ATP2A2: variants seen among roughly 807,000 people sequenced by gnomAD.
ATP2A2 encodes the protein ATPase sarcoplasmic/endoplasmic reticulum Ca2+ transporting 2, also known as sarcoplasmic/endoplasmic reticulum calcium ATPase 2.
ATP2A2 carries 14 observed loss-of-function variants against 109.3 expected under a neutral mutation model. That is an observed-to-expected ratio of 0.13 (90% CI 0.08 to 0.20). The LOEUF is 0.20. ATP2A2 is among the 10% of genes least tolerant of loss of function. The pLI is 1.00. For missense variants in ATP2A2, 657 were observed against 1,321.6 expected (o/e 0.50, Z 7.80); for synonymous variants, 506 against 490.9 (o/e 1.03, Z -0.41).
intron 11 of ATP2A2, among the ~76,000 whole-genome samples, chr12:110,335,840 G>C (rs1878788536): frequency 6.6e-6 from 1 of 152,200 alleles, no homozygotes; most frequent in Non-Finnish European, 1.5e-5. Flanking sequence ...TCTGGTTCCT[G>C]CCCCCACAAA....
At chr12:110,334,375 G>T in intron 11 of ATP2A2, 1 of 564,882 alleles carries the variant, frequency 1.8e-6, no homozygotes, top group Non-Finnish European at 3.2e-6. Flanking sequence ...TGGGCCCACA[G>T]GGGCTGCCTT....
intron 19 of ATP2A2, 32 bp downstream of exon 19, chr12:110,346,150 A>G: frequency 6.2e-7 from 1 of 1,613,952 alleles, no homozygotes; most frequent in Non-Finnish European, 8.5e-7. Context: ...GGGACCAGCC[A>G]CCTCCTTCCA....
rs776561859 is a variant in ATP2A2 at position 110,296,582 on chromosome 12, T to G, written c.325-17T>G. On this transcript the variant is annotated splice_polypyrimidine_tract_variant and intron_variant, in intron 4 of 19. Transcript: ENST00000539276. The stretch of plus-strand genomic sequence containing the variant: ...GTCAGGCAGGTCTTTACTACTCTTC[T>G]GTTTTCTTTTATACAGGAAAGAAAT... 6 of 1,614,098 alleles carry G rather than the reference T, an allele frequency of 3.7e-6. No homozygotes were observed. The South Asian group carries it at 5.5e-5, about 15-fold the overall frequency.
In ATP2A2 at chr12:110,350,105, G is replaced by C; in HGVS notation, c.*3635G>C. ...CTGTGTCACTGAGCCAGTGCTTCTAGATGCTACCCTGTGTGGGCGGCACCT... is the reference window on the plus strand; with the variant it reads ...CTGTGTCACTGAGCCAGTGCTTCTACATGCTACCCTGTGTGGGCGGCACCT... On this transcript the variant is annotated 3_prime_UTR_variant, in exon 20 of 20. Transcript: ENST00000539276. The C allele has an allele frequency of 6.8e-7, 1 of 1,476,028 alleles. No homozygotes were observed. The highest frequency in any genetic ancestry group is 8.9e-7 in the Non-Finnish European group (1 of 1,117,858). The allele number at this position is 1,476,028 out of a possible 1,614,324, so 91.4% of individuals were successfully genotyped here. A position where few individuals can be genotyped will look rare whatever the true frequency, so the allele number is the denominator to read the frequency against.
At chr12:110,303,716 G>C (rs536762089) in intron 5 of ATP2A2, among the ~76,000 whole-genome samples, 1 of 151,854 alleles carries the variant, frequency 6.6e-6, no homozygotes, top group East Asian at 1.9e-4. Flanking sequence ...GCCCAGCCAC[G>C]CCTGGCTAAT....
In ATP2A2 at chr12:110,343,363, A is replaced by G. The variant is rs1879536303; in HGVS notation, c.2450A>G (p.Asn817Ser). 1.9e-6 allele frequency: 3 copies of G among 1,614,106 alleles called. No individual in the cohort carries two copies. The African/African-American group carries it at 4.0e-5, about 22-fold the overall frequency. ...AACCCTCCTGATCTGGACATCATGA[A>G]TAAACCTCCCCGGAACCCAAAGGAA... is the stretch of plus-strand genomic sequence containing the variant. ...GFNPPDLDIM[N>S]KPPRNPKEPL... is the part of the protein sequence containing the mutation. Residue 817 changes from asparagine (N) to serine (S), a missense_variant, in exon 16 of 20, where the codon AAT (asparagine) becomes AGT (serine). Physicochemically the swap from Asn to Ser is conservative, Grantham distance 46 (BLOSUM62 1). Coordinates refer to ENST00000539276, the MANE Select transcript of ATP2A2 (RefSeq NM_170665.4).
At chr12:110,336,120 A>G (rs542739159) in intron 11 of ATP2A2, among the ~76,000 whole-genome samples, 1 of 152,186 alleles carries the variant, frequency 6.6e-6, no homozygotes. Flanking sequence ...TCTGCTGAAC[A>G]TACCTCTTTT....
intron 5 of ATP2A2, among the ~76,000 whole-genome samples, chr12:110,314,834 T>G (rs998944646): frequency 6.6e-6 from 1 of 151,820 alleles, no homozygotes; most frequent in Non-Finnish European, 1.5e-5. Context: ...ATGTTGTACA[T>G]AAAGAGATGT....
chr12:110,347,441 C>T lies in ATP2A2; in HGVS notation c.*971C>T. On this transcript the variant is annotated 3_prime_UTR_variant, in exon 20 of 20. Coordinates refer to ENST00000539276, the MANE Select transcript of ATP2A2 (RefSeq NM_170665.4). ...TACTCTGCTTGAGGGGAAGAAGGCT[C>T]CTGCTCTGCTGTGTAGGTAGTCATA... The T allele has an allele frequency of 1.6e-6, 2 of 1,289,046 alleles. No homozygotes were observed. Among genetic ancestry groups the T allele is most frequent in the South Asian group, 1.2e-5 (1 of 81,024 alleles). 79.9% of individuals were successfully genotyped at this position (1,289,046 alleles called of 1,614,324 possible). A position where few individuals can be genotyped will look rare whatever the true frequency, so the allele number is the denominator to read the frequency against.
chr12:110,345,281 G>C lies in ATP2A2; in HGVS notation c.2640G>C (p.Pro880=). The part of the protein sequence containing the change: ...SHFLQCKEDN[P]DFEGVDCAIF... ...TCCTACAGTGTAAAGAGGACAACCC[G>C]GACTTTGAAGGCGTGGATTGTGCAA... Residue 880 remains proline (P), a synonymous_variant, in exon 18 of 20, where the codon CCG becomes CCC. Transcript: ENST00000539276. The C allele has an allele frequency of 1.2e-6, 2 of 1,614,124 alleles. No homozygotes were observed. The highest frequency in any genetic ancestry group is 1.7e-6 in the Non-Finnish European group (2 of 1,180,022).
In ATP2A2 at chr12:110,305,120, A is replaced by G. The variant is rs147684541; in HGVS notation, c.463+8383A>G. Among the ~76,000 whole-genome samples the G allele has an allele frequency of 8.1e-3, 1,232 of 152,132 alleles. 1 individual carries two copies. Among genetic ancestry groups the G allele is most frequent in the Non-Finnish European group, 9.5e-3 (645 of 67,986 alleles). ...AGCTAATTTTTGTATTTTTAGTAGA[A>G]ACGGGGTTTCACCGTTTTGGCCAGG... is the stretch of plus-strand genomic sequence containing the variant. On this transcript the variant is annotated intron_variant, in intron 5 of 19. Transcript: ENST00000539276.
intron 5 of ATP2A2, among the ~76,000 whole-genome samples, chr12:110,321,879 A>C (rs1470899532): frequency 1.3e-5 from 2 of 152,202 alleles, no homozygotes; most frequent in Non-Finnish European, 2.9e-5. Context: ...AAAGGGGCTG[A>C]GATTTGGGCC....
rs748006710 is a variant in ATP2A2 at position 110,339,341 on chromosome 12, A to G, written c.1480A>G (p.Met494Val). The G allele has an allele frequency of 1.9e-6, 3 of 1,614,198 alleles. No individual in the cohort carries two copies. The highest frequency in any genetic ancestry group is 2.2e-5 in the East Asian group (1 of 44,886). The change falls in exon 12 of 20, where the codon ATG becomes GTG. Residue 494 changes from methionine (M) to valine (V), a missense_variant. Physicochemically the swap from Met to Val is conservative, Grantham distance 21. Transcript: ENST00000539276. The surrounding 1 kb of genome is among the most constrained non-coding windows in gnomAD (Gnocchi z 4.4). ...AGAGTTTTCACGTGACAGAAAGTCA[A>G]TGTCGGTTTACTGTACACCAAATAA... Reference protein sequence around the residue: ...TLEFSRDRKSMSVYCTPNKPS... With the variant: ...TLEFSRDRKSVSVYCTPNKPS...
At chr12:110,344,834 G>T (rs549727802) in intron 16 of ATP2A2, 52 bp from the exon 17 acceptor site, 1 of 1,560,740 alleles carries the variant, frequency 6.4e-7, no homozygotes, top group South Asian at 1.1e-5. Context: ...GGCCTCGGTG[G>T]CAGCGAGCCC....
intron 4 of ATP2A2, among the ~76,000 whole-genome samples, chr12:110,293,264 C>CG (rs2137707233): frequency 6.6e-6 from 1 of 150,946 alleles, no homozygotes; most frequent in African/African-American, 2.4e-5. Context: ...TTAGTAGAGA[C>CG]GGGGTTTCAC....
chr12:110,350,488 T>G lies in ATP2A2; in HGVS notation c.*4018T>G. The G allele has an allele frequency of 1.1e-6, 1 of 891,052 alleles. No homozygotes were observed. Among genetic ancestry groups the G allele is most frequent in the Non-Finnish European group, 1.7e-6 (1 of 577,082 alleles). The allele number at this position is 891,052 out of a possible 1,614,324, so 55.2% of individuals were successfully genotyped here. On this transcript the variant is annotated 3_prime_UTR_variant, in exon 20 of 20. Coordinates refer to ENST00000539276, the MANE Select transcript of ATP2A2 (RefSeq NM_170665.4). ...TATTACCAATGGGGTTGTTAGCTTTTAAATCAAAATACTGATTACAGATGT... is the reference window on the plus strand; with the variant it reads ...TATTACCAATGGGGTTGTTAGCTTTGAAATCAAAATACTGATTACAGATGT...
intron 5 of ATP2A2, among the ~76,000 whole-genome samples, chr12:110,312,733 C>A (rs973244228): frequency 6.6e-6 from 1 of 151,510 alleles, no homozygotes; most frequent in Non-Finnish European, 1.5e-5. Flanking sequence ...GCCTGTAATC[C>A]TAGCTACTTG....
chr12:110,339,281 GT>G lies in ATP2A2; in HGVS notation c.1421del (p.Val474AlafsTer5). On this transcript the variant is annotated frameshift_variant and splice_region_variant, in exon 12 of 20. Coordinates refer to ENST00000539276, the MANE Select transcript of ATP2A2 (RefSeq NM_170665.4). LOFTEE classifies it high-confidence loss of function. This position sits in a 1 kb window ranked among gnomAD's most constrained non-coding sequence, Gnocchi z 4.4. ...KIERANACNS[V>X]IKQLMKKEFT... is the part of the protein sequence containing the mutation. ...GTATCCATATTTGTTCCCTTTGTAG[GT>G]CATTAAACAGCTGATGAAAAAGGAA... 1 of 1,613,888 alleles carries G rather than the reference GT, an allele frequency of 6.2e-7. No individual in the cohort carries two copies. Among genetic ancestry groups the G allele is most frequent in the Non-Finnish European group, 8.5e-7 (1 of 1,180,010 alleles).
chr12:110,342,502 G>C lies in ATP2A2; in HGVS notation c.2318+54G>C. ...GTACGCCTTTATCTAAATGGGTCAT[G>C]GAGCCCAGTTCTCGCAGTTTGCTCT... is the stretch of plus-strand genomic sequence containing the variant. On this transcript the variant is annotated intron_variant, in intron 15 of 19. Coordinates refer to ENST00000539276, the MANE Select transcript of ATP2A2 (RefSeq NM_170665.4). This position sits in a 1 kb window ranked among gnomAD's most constrained non-coding sequence, Gnocchi z 4.6. The C allele has an allele frequency of 6.3e-7, 1 of 1,577,798 alleles. No homozygotes were observed. The highest frequency in any genetic ancestry group is 1.1e-5 in the South Asian group (1 of 88,950).
Sources: gnomAD v4.1 joint callset for allele counts (sites outside exome capture counted in the v4.1 genomes callset) on GRCh38, gnomAD v4.1.1 for gene constraint, Gnocchi (gnomAD v3.1) non-coding constraint, MANE v1.5 for transcripts, NCBI Gene and HGNC (gene_info 2026-07-23, HGNC 2026-07-21) for gene names.